The following GALP variants were observed in gnomAD, a reference collection of about 807,000 sequenced individuals.
GALP encodes the protein galanin-like peptide.
A neutral mutation model predicts 15.2 loss-of-function variants in GALP; 12 were observed. That is an observed-to-expected ratio of 0.79 (90% CI 0.51 to 1.28). The LOEUF (loss-of-function observed/expected upper bound fraction) is 1.28, where lower values mean the gene tolerates loss of function less well. Ranked by LOEUF, GALP falls within the 50% of genes most tolerant of loss-of-function variation. The pLI is 0.00. For missense variants in GALP, 161 were observed against 145.6 expected (o/e 1.11, Z -0.55); for synonymous variants, 58 against 55.1 (o/e 1.05, Z -0.23).
At chr19:56,184,878 T>C (rs946893614) in intron 5 of GALP, among the ~76,000 whole-genome samples, 1 of 152,234 alleles carries the variant, frequency 6.6e-6, no homozygotes, top group Non-Finnish European at 1.5e-5. Context: ...ATACTGGGTA[T>C]GATACGCTCC....
At chr19:56,179,321 T>A (rs1244093120) in intron 2 of GALP, among the ~76,000 whole-genome samples, 1 of 151,402 alleles carries the variant, frequency 6.6e-6, no homozygotes, top group Non-Finnish European at 1.5e-5. Flanking sequence ...TCTTTTTTTT[T>A]TTTTGAGACG....
intron 3 of GALP, 82 bp from the exon 4 acceptor site, chr19:56,182,089 CA>C: frequency 1.0e-6 from 1 of 967,708 alleles, no homozygotes; most frequent in Non-Finnish European, 1.7e-6. Flanking sequence ...TCCGGTGAGC[CA>C]TGCTGTTGAA....
intron 3 of GALP, among the ~76,000 whole-genome samples, chr19:56,181,282 T>C (rs2032562655): frequency 6.6e-6 from 1 of 151,896 alleles, no homozygotes; most frequent in Admixed American, 6.6e-5. Flanking sequence ...GTGGGTGTAA[T>C]GATGGCCCTT....
intron 5 of GALP, 98 bp from the exon 6 acceptor site, chr19:56,185,117 A>G (rs548623180): frequency 7.7e-6 from 6 of 775,972 alleles, no homozygotes; most frequent in Admixed American, 2.2e-5. Context: ...CCTGGCCAAC[A>G]TGGTGAAACC....
At chr19:56,181,469 A>G (rs2032566943) in intron 3 of GALP, among the ~76,000 whole-genome samples, 1 of 136,212 alleles carries the variant, frequency 7.3e-6, no homozygotes, top group African/African-American at 2.9e-5. Flanking sequence ...AGTGGCGCCA[A>G]TCTTGGCTCA....
At chr19:56,176,909 G>T (rs879763630) in intron 1 of GALP, among the ~76,000 whole-genome samples, 161 bp from the exon 2 acceptor site, 4 of 133,824 alleles carry the variant, frequency 3.0e-5, no homozygotes, top group African/African-American at 1.1e-4. Flanking sequence ...AGGCTTAATT[G>T]CTTGCACACG....
chr19:56,180,047 G>T (rs1424012073), intron 2 of GALP, among the ~76,000 whole-genome samples: 1 of 152,124 alleles, frequency 6.6e-6, no homozygotes, highest in East Asian at 1.9e-4. Context: ...AAAGTGCTGA[G>T]ATTACAGGCG....
At chr19:56,184,575 C>G (rs2032623607) in intron 5 of GALP, among the ~76,000 whole-genome samples, 2 of 151,046 alleles carry the variant, frequency 1.3e-5, no homozygotes, top group Middle Eastern at 3.5e-3. Context: ...GCTCTGCCTC[C>G]TGGGTTCTCG....
chr19:56,180,701 T>C (rs1029333153), intron 3 of GALP, 67 bp downstream of exon 3: 5 of 1,342,972 alleles, frequency 3.7e-6, no homozygotes, highest in Non-Finnish European at 5.3e-6. Flanking sequence ...AGGCAGTGAG[T>C]TTGTGGCTTG....
chr19:56,177,240 C>T (rs1421585679), intron 2 of GALP, 45 bp downstream of exon 2: 3 of 1,490,802 alleles, frequency 2.0e-6, no homozygotes, highest in Non-Finnish European at 2.8e-6. Context: ...GTCCCCAAAT[C>T]CCTGCCCTCT....
Position 56,180,630 on chromosome 19 carries a change from T to A in GALP, c.132T>A (p.Gly44=). The A allele has an allele frequency of 3.7e-6, 6 of 1,613,676 alleles. No individual in the cohort carries two copies. Among genetic ancestry groups the A allele is most frequent in the Non-Finnish European group, 5.1e-6 (6 of 1,179,698 alleles). The change falls in exon 3 of 6, where the codon GGT becomes GGA. Residue 44 remains glycine (G), a synonymous_variant. Coordinates refer to ENST00000357330, the MANE Select transcript of GALP (RefSeq NM_033106.4). ...TCAATAGTGCTGGCTACCTTCTGGG[T>A]CCCGGTGAGTGAGGCTGCGCTCAGC... The part of the protein sequence containing the change: ...WTLNSAGYLL[G]PVLHLPQMGD...
intron 3 of GALP, among the ~76,000 whole-genome samples, chr19:56,181,395 CTTTT>C (rs10656072): frequency 2.5e-5 from 2 of 81,314 alleles, no homozygotes; most frequent in Middle Eastern, 6.9e-3. Flanking sequence ...TCTCTCTCTC[CTTTT>C]TTTTTTTTTT....
At chr19:56,179,166 G>T (rs575702017) in intron 2 of GALP, among the ~76,000 whole-genome samples, 18 of 152,258 alleles carry the variant, frequency 1.2e-4, no homozygotes, top group Non-Finnish European at 2.1e-4. Context: ...GGCAGAGTGA[G>T]ACGCGAGACT....
chr19:56,179,427 C>A (rs1203597309), intron 2 of GALP, among the ~76,000 whole-genome samples: 1 of 150,918 alleles, frequency 6.6e-6, no homozygotes, highest in Non-Finnish European at 1.5e-5. Context: ...CGTGCCTCAG[C>A]CTCCCGAGTA....
intron 2 of GALP, among the ~76,000 whole-genome samples, 199 bp from the exon 3 acceptor site, chr19:56,180,387 C>T (rs533910821): frequency 2.6e-5 from 4 of 152,168 alleles, no homozygotes; most frequent in South Asian, 4.1e-4. Context: ...CACAACAGAA[C>T]GCTTTAAGCT....
intron 5 of GALP, among the ~76,000 whole-genome samples, chr19:56,183,529 C>G (rs2122173840): frequency 6.6e-6 from 1 of 152,344 alleles, no homozygotes; most frequent in South Asian, 2.1e-4. Flanking sequence ...GTATCACTCC[C>G]TCAAGCTTAG....
At chr19:56,178,360 G>C (rs1228401109) in intron 2 of GALP, among the ~76,000 whole-genome samples, 1 of 151,864 alleles carries the variant, frequency 6.6e-6, no homozygotes, top group Admixed American at 6.6e-5. Context: ...CTACTTGGGA[G>C]GCTGAGGCAT....
intron 3 of GALP, among the ~76,000 whole-genome samples, chr19:56,181,754 G>T (rs954930715): frequency 9.2e-5 from 14 of 152,102 alleles, no homozygotes; most frequent in Non-Finnish European, 1.8e-4. Flanking sequence ...TTCTCCAGTT[G>T]CATCTTCCCT....
intron 4 of GALP, 139 bp from the exon 5 acceptor site, chr19:56,182,996 C>G (rs2032592496): frequency 1.6e-6 from 1 of 641,190 alleles, no homozygotes; most frequent in African/African-American, 1.8e-5. Context: ...TCTCTCTGCT[C>G]CTCTCCCTCC....
Sources: allele counts gnomAD v4.1 joint callset (sites outside exome capture counted in the v4.1 genomes callset), GRCh38; gene constraint gnomAD v4.1.1; transcripts MANE v1.5; gene names NCBI Gene and HGNC (gene_info 2026-07-23, HGNC 2026-07-21).